NAA15: variants seen among roughly 807,000 people sequenced by gnomAD.
The protein encoded by NAA15 is N-terminal acetyltransferase.
A neutral mutation model predicts 114.0 loss-of-function variants in NAA15; 34 were observed. The ratio of observed to expected loss-of-function variants is 0.30; its 90% CI spans 0.23 to 0.40. The LOEUF (loss-of-function observed/expected upper bound fraction) is 0.40. Among genes scored for constraint, NAA15 ranks in the 10% least tolerant of loss-of-function variants. NAA15 has a pLI of 1.00. For synonymous variants in NAA15, 340 were observed against 338.0 expected, an observed-to-expected ratio of 1.01 and a Z score of -0.06; for missense variants, 658 against 1,004.5, an observed-to-expected ratio of 0.66 and a Z score of 4.66.
At chr4:139,301,914 A>G in intron 1 of NAA15, 83 bp downstream of exon 1, 1 of 1,437,546 alleles carries the variant, frequency 7.0e-7, no homozygotes, top group South Asian at 1.3e-5. Flanking sequence ...CCCGGCGGGC[A>G]CTGAGCCACT....
intron 14 of NAA15, among the ~76,000 whole-genome samples, chr4:139,364,771 G>A (rs962044273): frequency 1.1e-4 from 16 of 152,088 alleles, no homozygotes; most frequent in African/African-American, 3.9e-4. Flanking sequence ...ATGCATACAC[G>A]GTAGAATTAG....
At chr4:139,387,835 A>G in intron 19 of NAA15, 49 bp from the exon 20 acceptor site, 2 of 1,452,656 alleles carry the variant, frequency 1.4e-6, no homozygotes, top group Non-Finnish European at 1.9e-6. Context: ...AATTCCCAGT[A>G]AGAACCTTTT....
rs1745753841 is a variant in NAA15, at chr4:139,301,713, C to T, written c.-65C>T. 12 of 1,512,132 alleles carry T rather than the reference C, an allele frequency of 7.9e-6. No homozygotes were observed. The highest frequency in any genetic ancestry group is 3.7e-5 in the South Asian group (3 of 81,980). The allele number at this position is 1,512,132 out of a possible 1,614,324, so 93.7% of individuals were successfully genotyped here. A position where few individuals can be genotyped will look rare whatever the true frequency, so the allele number is the denominator to read the frequency against. On this transcript the variant is annotated 5_prime_UTR_variant, in exon 1 of 20. Coordinates refer to ENST00000296543, the MANE Select transcript of NAA15 (RefSeq NM_057175.5). ...TGAAGCAGCTACGGAACGGCAGCGG[C>T]GGCGGTCGGACAAACTGACTGACCG... is the stretch of plus-strand genomic sequence containing the variant.
chr4:139,363,964 T>G, intron 14 of NAA15, among the ~76,000 whole-genome samples: 1 of 152,258 alleles, frequency 6.6e-6, no homozygotes, highest in East Asian at 1.9e-4. Context: ...CACTGCAGCC[T>G]TGAGCTCCTG....
chr4:139,349,868 C>T (rs1747723967), intron 7 of NAA15, among the ~76,000 whole-genome samples: 1 of 151,916 alleles, frequency 6.6e-6, no homozygotes, highest in Non-Finnish European at 1.5e-5. Flanking sequence ...GCCTTGTAGT[C>T]TCAGCTACTC....
At chr4:139,360,002 G>A (rs573210514) in intron 12 of NAA15, 107 bp downstream of exon 12, 91 of 996,856 alleles carry the variant, frequency 9.1e-5, no homozygotes, top group African/African-American at 2.4e-4. Context: ...TTTTGACACC[G>A]TAATAGCCAA....
chr4:139,306,229 G>T (rs757328676), intron 1 of NAA15, among the ~76,000 whole-genome samples: 6 of 152,100 alleles, frequency 3.9e-5, no homozygotes, highest in Non-Finnish European at 8.8e-5. Flanking sequence ...CATATACTAT[G>T]TAAGAGTTTA....
chr4:139,313,065 T>G (rs1308227738), intron 1 of NAA15, among the ~76,000 whole-genome samples: 2 of 151,890 alleles, frequency 1.3e-5, no homozygotes, highest in Non-Finnish European at 2.9e-5. Flanking sequence ...TCCATTTGAT[T>G]TTATTACAGA....
In NAA15 at chr4:139,378,870, C is replaced by T. The variant is rs1208700094; in HGVS notation, c.2155+16C>T. On this transcript the variant is annotated intron_variant, in intron 17 of 19. Coordinates refer to ENST00000296543, the MANE Select transcript of NAA15 (RefSeq NM_057175.5). ...TTTAATACTGGTATGTTTTTGTTTT[C>T]CATTACTTAAGTATTTGATACAGTG... 1 of 1,470,168 alleles carries T rather than the reference C, an allele frequency of 6.8e-7. No individual in the cohort carries two copies. Among genetic ancestry groups the T allele is most frequent in the African/African-American group, 1.5e-5 (1 of 68,180 alleles). The allele number at this position is 1,470,168 out of a possible 1,614,324, so 91.1% of individuals were successfully genotyped here. A position where few individuals can be genotyped will look rare whatever the true frequency, so the allele number is the denominator to read the frequency against.
chr4:139,310,746 G>A (rs1746195709), intron 1 of NAA15, among the ~76,000 whole-genome samples: 1 of 151,692 alleles, frequency 6.6e-6, no homozygotes, highest in African/African-American at 2.4e-5. Flanking sequence ...AGCTTCCTGA[G>A]TAGCTGGGAT....
intron 1 of NAA15, among the ~76,000 whole-genome samples, chr4:139,304,306 T>C (rs558033205): frequency 6.6e-6 from 1 of 152,262 alleles, no homozygotes; most frequent in Non-Finnish European, 1.5e-5. Context: ...CAGTGCACTT[T>C]ACTCAGTTTT....
chr4:139,337,596 A>G (rs768169781), intron 3 of NAA15, among the ~76,000 whole-genome samples: 19 of 152,246 alleles, frequency 1.2e-4, no homozygotes, highest in Admixed American at 2.6e-4. Context: ...AAGAGCAAAT[A>G]GAAATGTCTG....
Position 139,332,223 on chromosome 4 carries a change from C to T in NAA15, c.55-1951C>T, listed in dbSNP as rs186963191. Among the ~76,000 whole-genome samples, 194 of 151,964 alleles carry T rather than the reference C, an allele frequency of 1.3e-3. 2 individuals are homozygous for T. The highest frequency in any genetic ancestry group is 0.012 in the Admixed American group (185 of 15,258). ...TCGGCTCACTACAACCTCTGCCTCT[C>T]GGGTTCAAACGATTCTCCTGCCTCA... is the stretch of plus-strand genomic sequence containing the variant. On this transcript the variant is annotated intron_variant, in intron 1 of 19. Transcript: ENST00000296543.
Position 139,357,428 on chromosome 4 carries a change from A to G in NAA15, c.1130A>G (p.Gln377Arg). ...CCACCAACCACATTACTTTGGGTCC[A>G]GTACTACTTGGCACAACATTATGAC... ...EEPPTTLLWV[Q>R]YYLAQHYDKI... The change falls in exon 11 of 20, where the codon CAG (glutamine) becomes CGG (arginine). Residue 377 changes from glutamine to arginine, a missense_variant. By Grantham distance (43) the Gln-to-Arg change is conservative. This residue lies in a region of NAA15 where 281 missense variants were observed against 389.1 expected (regional missense o/e 0.72). Transcript: ENST00000296543. 6.2e-7 allele frequency: 1 copy of G among 1,613,950 alleles called. No individual in the cohort carries two copies. The highest frequency in any genetic ancestry group is 1.7e-5 in the Admixed American group (1 of 60,012).
intron 17 of NAA15, among the ~76,000 whole-genome samples, chr4:139,381,524 ATTTG>A (rs1212261212): frequency 5.3e-5 from 8 of 151,776 alleles, no homozygotes; most frequent in East Asian, 1.9e-4. Flanking sequence ...TCATAATCTA[ATTTG>A]TTTATTAAAC....
At chr4:139,376,609 C>T (rs989783843) in intron 16 of NAA15, 136 bp downstream of exon 16, 1 of 654,116 alleles carries the variant, frequency 1.5e-6, no homozygotes, top group Non-Finnish European at 2.7e-6. Flanking sequence ...GAAATGCCTG[C>T]TATGAACAGA....
At chr4:139,375,268 TTA>T (rs1182699310) in intron 15 of NAA15, among the ~76,000 whole-genome samples, 2 of 152,188 alleles carry the variant, frequency 1.3e-5, no homozygotes, top group African/African-American at 4.8e-5. Flanking sequence ...GAATCCACAG[TTA>T]TTAGAGTGGC....
intron 1 of NAA15, among the ~76,000 whole-genome samples, chr4:139,325,422 G>A (rs952760813): frequency 1.3e-5 from 2 of 152,170 alleles, no homozygotes; most frequent in South Asian, 2.1e-4. Context: ...TCTGGGGTAA[G>A]TTACTTGTTT....
chr4:139,333,784 C>T (rs751810241), intron 1 of NAA15, among the ~76,000 whole-genome samples: 6 of 151,850 alleles, frequency 4.0e-5, no homozygotes, highest in Non-Finnish European at 5.9e-5. Context: ...CCTGTAGTCC[C>T]AGCTACTTGG....
Sources: allele counts gnomAD v4.1 joint callset (sites outside exome capture counted in the v4.1 genomes callset), GRCh38; gene constraint gnomAD v4.1.1; regional missense constraint gnomAD v4.1.1; transcripts MANE v1.5; gene names NCBI Gene and HGNC (gene_info 2026-07-23, HGNC 2026-07-21).